The following DNAAF4 variants were observed in gnomAD, a reference collection of about 807,000 sequenced individuals.
DNAAF4 encodes dynein axonemal assembly factor 4, also known as dynein assembly factor 4, axonemal.
In DNAAF4, 43 loss-of-function variants were observed where a neutral mutation model predicts 51.8. The ratio of observed to expected loss-of-function variants is 0.83; its 90% CI spans 0.65 to 1.07. The LOEUF is 1.07. Ranked by LOEUF, DNAAF4 falls within the 50% of genes least tolerant of loss-of-function variation. The pLI is 0.00. For synonymous variants in DNAAF4, 194 were observed against 165.6 expected, an observed-to-expected ratio of 1.17 and a Z score of -1.32; for missense variants, 581 against 493.0, an observed-to-expected ratio of 1.18 and a Z score of -1.69.
At chr15:55,425,231 C>T (rs1007528868) in intron 7 of DNAAF4, among the ~76,000 whole-genome samples, 10 of 152,192 alleles carry the variant, frequency 6.6e-5, no homozygotes, top group African/African-American at 1.2e-4. Flanking sequence ...CCAGAATCCC[C>T]ACCATCAATA....
chr15:55,496,548 T>G (rs2058643502), intron 3 of DNAAF4, among the ~76,000 whole-genome samples: 1 of 152,152 alleles, frequency 6.6e-6, no homozygotes, highest in South Asian at 2.1e-4. Flanking sequence ...TGACAGGTTG[T>G]TTCATGGAAT....
intron 4 of DNAAF4, among the ~76,000 whole-genome samples, chr15:55,489,674 CAAAA>C (rs756823133): frequency 1.2e-5 from 1 of 80,830 alleles, no homozygotes; most frequent in Admixed American, 1.6e-4. Context: ...GACACCATTT[CAAAA>C]AAAAAAAAAA....
chr15:55,499,124 A>G lies in DNAAF4; in HGVS notation c.-255-540T>C, dbSNP rs1030654703. 1.1e-4 allele frequency among the ~76,000 whole-genome samples: 16 copies of G among 152,214 alleles called. 1 individual carries two copies. Among genetic ancestry groups the G allele is most frequent in the South Asian group, 1.0e-3 (5 of 4,818 alleles). ...TTAGCGCTAGTTGTTCTGTTTTGCA[A>G]ATTTCTTGGTCATACAGACTGTGAA... On this transcript the variant is annotated intron_variant, in intron 1 of 9. Transcript: ENST00000321149.
intron 7 of DNAAF4, among the ~76,000 whole-genome samples, chr15:55,424,304 A>T (rs2057411972): frequency 6.6e-6 from 1 of 152,206 alleles, no homozygotes; most frequent in East Asian, 1.9e-4. Context: ...CACCAGATGC[A>T]TGTAGTCCCT....
chr15:55,435,869 A>T (rs1461545924), intron 7 of DNAAF4, among the ~76,000 whole-genome samples: 1 of 152,082 alleles, frequency 6.6e-6, no homozygotes, highest in Non-Finnish European at 1.5e-5. Flanking sequence ...GCTCACCGCA[A>T]CCTCTGCCTC....
At chr15:55,440,731 G>C (rs1254132425) in intron 6 of DNAAF4, among the ~76,000 whole-genome samples, 1 of 151,324 alleles carries the variant, frequency 6.6e-6, no homozygotes, top group African/African-American at 2.4e-5. Flanking sequence ...GCCCAGGCTG[G>C]AGTACAGTAG....
intron 4 of DNAAF4, among the ~76,000 whole-genome samples, chr15:55,486,556 T>A (rs535677010): frequency 3.3e-5 from 5 of 152,076 alleles, no homozygotes; most frequent in Non-Finnish European, 7.4e-5. Context: ...TTAAGAATTT[T>A]CCAGATCCTT....
At chr15:55,507,470 C>A (rs1270981891) in intron 1 of DNAAF4, among the ~76,000 whole-genome samples, 1 of 152,068 alleles carries the variant, frequency 6.6e-6, no homozygotes, top group African/African-American at 2.4e-5. Context: ...AAATGAAAAA[C>A]AGAATGGTTG....
At chr15:55,475,174 G>A (rs1007093518) in intron 4 of DNAAF4, among the ~76,000 whole-genome samples, 5 of 152,082 alleles carry the variant, frequency 3.3e-5, no homozygotes, top group African/African-American at 1.2e-4. Flanking sequence ...AATACCAAGA[G>A]GACTTCTTAG....
At position 55,492,049 on chromosome 15, in the gene DNAAF4, G is replaced by A. The variant is rs540329435; in HGVS notation, c.272-793C>T. ...TTTTTAAATTTTATGTAGAGACGAG[G>A]TCTCACTATATTGCCCAGGCTGGTC... On this transcript the variant is annotated intron_variant, in intron 3 of 9. Transcript: ENST00000321149. Among the ~76,000 whole-genome samples the A allele has an allele frequency of 2.0e-4, 30 of 151,410 alleles. No individual in the cohort carries two copies. The South Asian group carries it at 2.1e-3, about 10-fold the overall frequency.
intron 8 of DNAAF4, among the ~76,000 whole-genome samples, chr15:55,434,628 T>TTCGAG (rs1358514786): frequency 1.3e-5 from 2 of 151,812 alleles, no homozygotes; most frequent in Non-Finnish European, 2.9e-5. Flanking sequence ...AGCCCAGGAG[T>TTCGAG]TCGAGACCTG....
chr15:55,502,336 A>C (rs2058703925), intron 1 of DNAAF4, among the ~76,000 whole-genome samples: 1 of 152,130 alleles, frequency 6.6e-6, no homozygotes, highest in African/African-American at 2.4e-5. Flanking sequence ...ACTTTAATTA[A>C]ATTTTTAAAA....
At position 55,439,482 on chromosome 15, in the gene DNAAF4, C is replaced by A; in HGVS notation, c.883G>T (p.Asp295Tyr). Residue 295 changes from aspartate (D) to tyrosine (Y), a missense_variant, in exon 7 of 10, where the codon GAT becomes TAT. Transcript: ENST00000321149. The stretch of plus-strand genomic sequence containing the variant: ...GTTCAAACAACTTACTTTCCTTTAT[C>A]CTTCAACCATTCTGGGTTCTTTTCT... ...EEEKNPEWLK[D>Y]KGNKLFATEN... 2 of 1,613,512 alleles carry A rather than the reference C, an allele frequency of 1.2e-6. No individual in the cohort carries two copies. Among genetic ancestry groups the A allele is most frequent in the South Asian group, 1.1e-5 (1 of 91,042 alleles).
intron 7 of DNAAF4, chr15:55,418,387 C>T: frequency 6.5e-7 from 1 of 1,534,610 alleles, no homozygotes; most frequent in Non-Finnish European, 8.7e-7. Context: ...TGTATAAAAC[C>T]AATTCAAGTC....
chr15:55,440,065 A>AT (rs539658755), intron 6 of DNAAF4, among the ~76,000 whole-genome samples: 48 of 147,070 alleles, frequency 3.3e-4, no homozygotes, highest in South Asian at 8.6e-4. Context: ...GATGGTGGTA[A>AT]TTTTTTTTTT....
At position 55,487,296 on chromosome 15, in the gene DNAAF4, T is replaced by C. The variant is rs146569140; in HGVS notation, c.405+3827A>G. Among the ~76,000 whole-genome samples, 1,441 of 152,154 alleles carry C rather than the reference T, an allele frequency of 9.5e-3. 12 individuals carry two copies. The highest frequency in any genetic ancestry group is 0.017 in the Middle Eastern group (5 of 294). On this transcript the variant is annotated intron_variant, in intron 4 of 9. Coordinates refer to ENST00000321149, the MANE Select transcript of DNAAF4 (RefSeq NM_130810.4). ...CAGTGCTCTGTGTCTAGCTAAAGGA[T>C]TGTAAACGCGCCAATCAGCATTCTG...
chr15:55,431,708 G>A (rs2057498174), intron 9 of DNAAF4, among the ~76,000 whole-genome samples: 1 of 151,932 alleles, frequency 6.6e-6, no homozygotes, highest in Non-Finnish European at 1.5e-5. Flanking sequence ...TTGATCTCCT[G>A]ACCTTGTGAT....
intron 4 of DNAAF4, among the ~76,000 whole-genome samples, chr15:55,480,192 C>A (rs2058389570): frequency 6.6e-6 from 1 of 152,128 alleles, no homozygotes; most frequent in East Asian, 1.9e-4. Context: ...AAGCAGGCAT[C>A]ACAGTCCTAC....
chr15:55,489,068 G>A (rs1376586158), intron 4 of DNAAF4, among the ~76,000 whole-genome samples: 2 of 148,356 alleles, frequency 1.3e-5, no homozygotes, highest in African/African-American at 2.5e-5. Flanking sequence ...CAGCCTGGGC[G>A]ACTAAGCAAG....
Sources: allele counts gnomAD v4.1 joint callset (sites outside exome capture counted in the v4.1 genomes callset), GRCh38; gene constraint gnomAD v4.1.1; transcripts MANE v1.5; gene names NCBI Gene and HGNC (gene_info 2026-07-23, HGNC 2026-07-21).